The following KLRD1 variants were observed in gnomAD, a reference collection of about 807,000 sequenced individuals.
KLRD1 encodes the protein killer cell lectin like receptor D1, also known as natural killer cells antigen CD94.
In KLRD1, 21 loss-of-function variants were observed where a neutral mutation model predicts 22.6. The ratio of observed to expected loss-of-function variants is 0.93; its 90% CI spans 0.66 to 1.34. The LOEUF is 1.34. Among genes scored for constraint, KLRD1 ranks in the 40% most tolerant of loss-of-function variants. KLRD1 has a pLI of 0.00. For synonymous variants in KLRD1, 59 were observed against 71.1 expected (o/e 0.83, Z 0.85); for missense variants, 183 against 208.6 (o/e 0.88, Z 0.76).
chr12:10,289,788 T>G (rs10845104), intron 1 of KLRD1, among the ~76,000 whole-genome samples: 17,034 of 152,118 alleles, frequency 0.11, 1,404 homozygotes, highest in African/African-American at 0.22. Flanking sequence ...GTAATTTTTT[T>G]TGTGTGTGTG....
chr12:10,283,161 G>A (rs761725267), intron 1 of KLRD1, among the ~76,000 whole-genome samples: 30 of 152,250 alleles, frequency 2.0e-4, no homozygotes, highest in Admixed American at 5.9e-4. Flanking sequence ...TATTCCCAGA[G>A]CTAGAGGAAA....
At chr12:10,278,806 G>GT (rs975428142) in intron 1 of KLRD1, among the ~76,000 whole-genome samples, 7 of 151,838 alleles carry the variant, frequency 4.6e-5, no homozygotes, top group African/African-American at 1.2e-4. Flanking sequence ...GTTTTGTTTT[G>GT]TTTTTTCCTG....
Position 10,323,846 on chromosome 12 carries a change from T to C in KLRD1, c.*9053T>C, listed in dbSNP as rs569231581. The C allele has an allele frequency of 7.1e-6, 1 of 140,484 alleles. No homozygotes were observed. Among genetic ancestry groups the C allele is most frequent in the African/African-American group, 2.6e-5 (1 of 38,172 alleles). 8.7% of individuals were successfully genotyped at this position (140,484 alleles called of 1,614,324 possible). ...ACATGTATCAATAGTTAATTCCCTT[T>C]TATTTCTTATTTCTTTCCTTTTTTT... On this transcript the variant is annotated 3_prime_UTR_variant, in exon 6 of 6. Coordinates refer to ENST00000336164, the MANE Select transcript of KLRD1 (RefSeq NM_002262.5).
At chr12:10,255,476 T>C (rs758192879) in intron 1 of KLRD1, among the ~76,000 whole-genome samples, 1 of 152,194 alleles carries the variant, frequency 6.6e-6, no homozygotes, top group Admixed American at 6.5e-5. Flanking sequence ...TTTAAAGATA[T>C]AAATTTGCCT....
At position 10,289,790 on chromosome 12, in the gene KLRD1, G is replaced by T. The variant is rs183044035; in HGVS notation, c.-100-18188G>T. Among the ~76,000 whole-genome samples the T allele has an allele frequency of 4.3e-3, 660 of 152,010 alleles. 5 individuals are homozygous for T. The highest frequency in any genetic ancestry group is 0.015 in the African/African-American group (609 of 41,468). On this transcript the variant is annotated intron_variant, in intron 1 of 5. Transcript: ENST00000544747. The stretch of plus-strand genomic sequence containing the variant: ...CATAATTGAATTTGTAATTTTTTTT[G>T]TGTGTGTGACAGAGTTTCATTCTTG...
rs1444544970 is a variant in KLRD1 at position 10,239,276 on chromosome 12, T to C, written c.-101+13043T>C. On this transcript the variant is annotated intron_variant, in intron 1 of 5. Coordinates refer to the KLRD1 transcript ENST00000544747. ...CAAACAAACTTGTATAATTAATCTCTAGGAGCACGGGTTCTAATAAGCCCA... is the reference window on the plus strand; with the variant it reads ...CAAACAAACTTGTATAATTAATCTCCAGGAGCACGGGTTCTAATAAGCCCA... Among the ~76,000 whole-genome samples the C allele has an allele frequency of 2.6e-5, 4 of 152,314 alleles. No homozygotes were observed. In the East Asian group the frequency reaches 7.7e-4, roughly 29 times the overall value.
chr12:10,318,781 G>A lies in KLRD1; in HGVS notation c.*3988G>A, dbSNP rs1218153883. Reference sequence around the variant, plus strand: ...GAATGGCGAGAACCCGGGAGACGGAGTTTACAGTGAGCTGAGATCGCGCCA... The same window carrying A: ...GAATGGCGAGAACCCGGGAGACGGAATTTACAGTGAGCTGAGATCGCGCCA... On this transcript the variant is annotated 3_prime_UTR_variant, in exon 6 of 6. Coordinates refer to ENST00000336164, the MANE Select transcript of KLRD1 (RefSeq NM_002262.5). 7.5e-6 allele frequency: 1 copy of A among 133,332 alleles called. No individual in the cohort carries two copies. Among genetic ancestry groups the A allele is most frequent in the Non-Finnish European group, 1.5e-5 (1 of 65,190 alleles). 8.3% of individuals were successfully genotyped at this position (133,332 alleles called of 1,614,324 possible).
At chr12:10,254,171 G>A (rs1296317835) in intron 1 of KLRD1, among the ~76,000 whole-genome samples, 1 of 152,148 alleles carries the variant, frequency 6.6e-6, no homozygotes, top group Non-Finnish European at 1.5e-5. Flanking sequence ...GCTCACGCCT[G>A]TAATCCCAGC....
intron 1 of KLRD1, among the ~76,000 whole-genome samples, chr12:10,288,458 G>A (rs1949732294): frequency 6.6e-6 from 1 of 152,210 alleles, no homozygotes. Flanking sequence ...TTACAGTTAT[G>A]CAAAATGACT....
At chr12:10,288,781 T>C (rs1278100229) in intron 1 of KLRD1, among the ~76,000 whole-genome samples, 1 of 152,214 alleles carries the variant, frequency 6.6e-6, no homozygotes, top group Non-Finnish European at 1.5e-5. Context: ...TTATAAAATA[T>C]TAGCAATAAT....
chr12:10,296,377 G>A lies in KLRD1; in HGVS notation c.-100-11601G>A, dbSNP rs1027258371. On this transcript the variant is annotated intron_variant, in intron 1 of 5. Coordinates refer to the KLRD1 transcript ENST00000544747. Reference sequence around the variant, plus strand: ...TAAAAATACAAAAAATTAGCCGGGCGTGGTGGCGGACACCTGTAATCCCAG... The same window carrying A: ...TAAAAATACAAAAAATTAGCCGGGCATGGTGGCGGACACCTGTAATCCCAG... Among the ~76,000 whole-genome samples the A allele has an allele frequency of 4.6e-5, 7 of 152,122 alleles. No individual in the cohort carries two copies. The South Asian group carries it at 8.3e-4, about 18-fold the overall frequency.
At chr12:10,265,190 T>TA (rs1441648534) in intron 1 of KLRD1, among the ~76,000 whole-genome samples, 1 of 152,148 alleles carries the variant, frequency 6.6e-6, no homozygotes, top group Admixed American at 6.5e-5. Flanking sequence ...AATCTATTGT[T>TA]AAATATCTGT....
upstream of KLRD1, among the ~76,000 whole-genome samples, chr12:10,305,592 T>A (rs892651561): frequency 3.9e-5 from 6 of 152,170 alleles, no homozygotes; most frequent in African/African-American, 1.4e-4. Context: ...ACTGCTGGAC[T>A]GTATAGCAAA....
intron 1 of KLRD1, among the ~76,000 whole-genome samples, chr12:10,256,999 T>TA (rs1425705860): frequency 8.2e-6 from 1 of 121,904 alleles, no homozygotes; most frequent in Non-Finnish European, 1.8e-5. Context: ...CAGTTTTTTT[T>TA]AATTCATAAC....
At position 10,314,931 on chromosome 12, in the gene KLRD1, A is replaced by G; in HGVS notation, c.*138A>G. On this transcript the variant is annotated 3_prime_UTR_variant, in exon 6 of 6. Coordinates refer to ENST00000336164, the MANE Select transcript of KLRD1 (RefSeq NM_002262.5). ...TTAAACAGTGTCATATACAATTGTC[A>G]TGTATGTGAAACAATGTGTTTTAAA... 1.4e-6 allele frequency: 1 copy of G among 735,244 alleles called. No individual in the cohort carries two copies. The highest frequency in any genetic ancestry group is 2.1e-6 in the Non-Finnish European group (1 of 467,468). The allele number at this position is 735,244 out of a possible 1,614,324, so 45.5% of individuals were successfully genotyped here.
In KLRD1 at chr12:10,263,861, C is replaced by G. The variant is rs191703124; in HGVS notation, c.-101+37628C>G. ...TAATGGAAAAAGAAGAAAATATTGT[C>G]ACTAGTTTTCCATTTGCTCAAATTT... On this transcript the variant is annotated intron_variant, in intron 1 of 5. Coordinates refer to the KLRD1 transcript ENST00000544747. Among the ~76,000 whole-genome samples, 5 of 152,102 alleles carry G rather than the reference C, an allele frequency of 3.3e-5. No homozygotes were observed. The East Asian group carries it at 9.6e-4, about 29-fold the overall frequency.
chr12:10,246,047 A>G (rs1949287771), intron 1 of KLRD1, among the ~76,000 whole-genome samples: 1 of 152,222 alleles, frequency 6.6e-6, no homozygotes, highest in African/African-American at 2.4e-5. Context: ...ATTTTAACAT[A>G]CAATGCATTT....
chr12:10,293,970 T>C (rs1473874922), intron 1 of KLRD1, among the ~76,000 whole-genome samples: 2 of 152,244 alleles, frequency 1.3e-5, no homozygotes, highest in Admixed American at 6.5e-5. Context: ...GTATGAACGC[T>C]AGCTATCCTC....
In KLRD1 at chr12:10,271,354, G is replaced by T. The variant is rs117955546; in HGVS notation, c.-100-36624G>T. On this transcript the variant is annotated intron_variant, in intron 1 of 5. Transcript: ENST00000544747. ...GAAACATTCTTTTTCCATGATCTTG[G>T]TACACCATTCTAAGTCATCGTGGCC... Among the ~76,000 whole-genome samples, 930 of 152,102 alleles carry T rather than the reference G, an allele frequency of 6.1e-3. 6 individuals carry two copies. The highest frequency in any genetic ancestry group is 7.9e-3 in the Non-Finnish European group (539 of 68,002).
Sources: gnomAD v4.1 joint callset for allele counts (sites outside exome capture counted in the v4.1 genomes callset) on GRCh38, gnomAD v4.1.1 for gene constraint, MANE v1.5 for transcripts, NCBI Gene and HGNC (gene_info 2026-07-23, HGNC 2026-07-21) for gene names.